The following NT5M variants were observed in gnomAD, a reference collection of about 807,000 sequenced individuals.
NT5M encodes 5'(3')-deoxyribonucleotidase, mitochondrial.
In NT5M, 22 loss-of-function variants were observed where a neutral mutation model predicts 22.2. That is an observed-to-expected ratio of 0.99 (90% CI 0.71 to 1.41). The LOEUF (loss-of-function observed/expected upper bound fraction) is 1.41. Among genes scored for constraint, NT5M ranks in the 40% most tolerant of loss-of-function variants. The pLI is 0.00. For synonymous variants in NT5M, 167 were observed against 133.0 expected (o/e 1.26, Z -1.76); for missense variants, 322 against 314.8 (o/e 1.02, Z -0.17).
chr17:17,317,574 T>C (rs760859164), intron 2 of NT5M, among the ~76,000 whole-genome samples: 4 of 152,198 alleles, frequency 2.6e-5, no homozygotes, highest in South Asian at 2.1e-4. Context: ...CTGGGCAACA[T>C]AGAGTGAGAC....
At chr17:17,330,787 G>A (rs1475059810) in intron 3 of NT5M, among the ~76,000 whole-genome samples, 1 of 139,348 alleles carries the variant, frequency 7.2e-6, no homozygotes, top group Non-Finnish European at 1.5e-5. Context: ...TTGTCACCCA[G>A]GCTGGAATGC....
In NT5M at chr17:17,334,851, A is replaced by G. The variant is rs150439517; in HGVS notation, c.430-9943A>G. Among the ~76,000 whole-genome samples the G allele has an allele frequency of 2.2e-4, 34 of 152,262 alleles. No individual in the cohort carries two copies. The East Asian group carries it at 5.4e-3, about 24-fold the overall frequency. On this transcript the variant is annotated intron_variant, in intron 3 of 4. Transcript: ENST00000389022. ...CTTCATTTTAAAAATTGTTTTGGCT[A>G]TTCTGGGTCCTTTATATTTCTATAG...
At chr17:17,326,561 C>T (rs944397780) in intron 3 of NT5M, among the ~76,000 whole-genome samples, 4 of 152,220 alleles carry the variant, frequency 2.6e-5, no homozygotes, top group Admixed American at 6.5e-5. Context: ...GGGCAGAGCC[C>T]GCAGACCGTC....
At chr17:17,335,822 G>A (rs1443914134) in intron 3 of NT5M, among the ~76,000 whole-genome samples, 7 of 151,828 alleles carry the variant, frequency 4.6e-5, no homozygotes, top group Non-Finnish European at 8.8e-5. Flanking sequence ...TAGTAGAGAC[G>A]GGGTTTTGCC....
At chr17:17,342,678 T>C (rs955367231) in intron 3 of NT5M, among the ~76,000 whole-genome samples, 1 of 152,242 alleles carries the variant, frequency 6.6e-6, no homozygotes, top group Non-Finnish European at 1.5e-5. Flanking sequence ...GTGTTTGTTT[T>C]TCCCTCTGCC....
In NT5M at chr17:17,314,916, G is replaced by A. The variant is rs373312252; in HGVS notation, c.369-8269G>A. ...AGGTCTCTGCCCTCCCCTCCTGGTCGTTCTGTCCCATGACCCTGAGTGTGT... is the reference window on the plus strand; with the variant it reads ...AGGTCTCTGCCCTCCCCTCCTGGTCATTCTGTCCCATGACCCTGAGTGTGT... On this transcript the variant is annotated intron_variant, in intron 2 of 4. Coordinates refer to ENST00000389022, the MANE Select transcript of NT5M (RefSeq NM_020201.4). Among the ~76,000 whole-genome samples the A allele has an allele frequency of 4.5e-4, 69 of 152,202 alleles. 1 individual carries two copies. In the South Asian group the frequency reaches 0.014, roughly 31 times the overall value.
intron 2 of NT5M, among the ~76,000 whole-genome samples, chr17:17,316,035 A>G (rs138401266): frequency 0.024 from 3,457 of 146,926 alleles, 133 homozygotes; most frequent in African/African-American, 0.073. Context: ...GATTACAGGC[A>G]TGAGCCACCA....
At chr17:17,331,973 G>C (rs1026433542) in intron 3 of NT5M, among the ~76,000 whole-genome samples, 1 of 150,148 alleles carries the variant, frequency 6.7e-6, no homozygotes, top group Admixed American at 6.6e-5. Context: ...GTAGAGGCAG[G>C]GTTTCAGTGT....
intron 3 of NT5M, among the ~76,000 whole-genome samples, chr17:17,338,748 A>G (rs1257534575): frequency 2.2e-5 from 2 of 89,000 alleles, no homozygotes; most frequent in Non-Finnish European, 4.0e-5. Context: ...TTTTTTTGAG[A>G]TGGAGTCTTA....
chr17:17,322,329 C>T (rs1262159587), intron 2 of NT5M, among the ~76,000 whole-genome samples: 1 of 152,066 alleles, frequency 6.6e-6, no homozygotes, highest in Non-Finnish European at 1.5e-5. Context: ...GAGGAAGAGG[C>T]AGCTGTCACT....
intron 3 of NT5M, among the ~76,000 whole-genome samples, chr17:17,338,728 T>TC (rs2049576510): frequency 7.3e-6 from 1 of 136,782 alleles, no homozygotes; most frequent in Admixed American, 7.2e-5. Context: ...TCATTGGTAT[T>TC]TTTTTTTTTT....
intron 3 of NT5M, among the ~76,000 whole-genome samples, chr17:17,327,069 A>G (rs201943829): frequency 0.033 from 1,283 of 39,310 alleles, 93 homozygotes; most frequent in East Asian, 0.16. Flanking sequence ...GCGCCACCAC[A>G]CCCGGCTAAT....
At chr17:17,331,181 A>G (rs899488612) in intron 3 of NT5M, among the ~76,000 whole-genome samples, 13 of 151,646 alleles carry the variant, frequency 8.6e-5, no homozygotes, top group Non-Finnish European at 1.5e-5. Context: ...TGGCACGGCC[A>G]CACTGCCAGC....
In NT5M at chr17:17,335,264, A is replaced by AT. The variant is rs760152460; in HGVS notation, c.430-9519dup. Among the ~76,000 whole-genome samples, 172 of 148,356 alleles carry AT rather than the reference A, an allele frequency of 1.2e-3. 1 individual carries two copies. The East Asian group carries it at 0.016, about 13-fold the overall frequency. On this transcript the variant is annotated intron_variant, in intron 3 of 4. Transcript: ENST00000389022. ...TTTCCAAATATATAGAATACAAGTGATTTTTTTTTTTGAGATGGAGTCTTG... is the reference window on the plus strand; with the variant it reads ...TTTCCAAATATATAGAATACAAGTGATTTTTTTTTTTTGAGATGGAGTCTTG...
intron 3 of NT5M, among the ~76,000 whole-genome samples, chr17:17,341,399 C>T (rs1184236006): frequency 1.3e-5 from 2 of 152,146 alleles, no homozygotes; most frequent in African/African-American, 4.8e-5. Flanking sequence ...CCCAAGGTCC[C>T]CAGCTCGTAT....
At chr17:17,304,322 C>A in intron 1 of NT5M, 1 of 795,776 alleles carries the variant, frequency 1.3e-6, no homozygotes, top group East Asian at 1.3e-4. Flanking sequence ...AGTCAGTGGT[C>A]CAGGTGAGGT....
intron 1 of NT5M, among the ~76,000 whole-genome samples, chr17:17,306,320 G>C (rs1229383971): frequency 6.6e-6 from 1 of 152,172 alleles, no homozygotes; most frequent in Non-Finnish European, 1.5e-5. Flanking sequence ...TGACACCTTT[G>C]CTGGTCTCTG....
intron 3 of NT5M, among the ~76,000 whole-genome samples, chr17:17,343,102 A>G (rs2049681242): frequency 6.6e-6 from 1 of 152,070 alleles, no homozygotes; most frequent in African/African-American, 2.4e-5. Flanking sequence ...GGAAGATGCG[A>G]AGTAAGTTAT....
At chr17:17,331,622 G>C (rs2049388240) in intron 3 of NT5M, among the ~76,000 whole-genome samples, 1 of 151,122 alleles carries the variant, frequency 6.6e-6, no homozygotes, top group Admixed American at 6.6e-5. Context: ...TAAAGACAGA[G>C]TCTCGTTCTG....
Sources: allele counts gnomAD v4.1 joint callset (sites outside exome capture counted in the v4.1 genomes callset), GRCh38; gene constraint gnomAD v4.1.1; transcripts MANE v1.5; gene names NCBI Gene and HGNC (gene_info 2026-07-23, HGNC 2026-07-21).